Variants in BMPER observed in about 807,000 individuals in gnomAD.
BMPER encodes the protein BMP-binding endothelial regulator protein.
BMPER carries 45 observed loss-of-function variants against 87.3 expected under a neutral mutation model. The observed-to-expected ratio is 0.52, with a 90% CI of 0.41 to 0.66. BMPER has a LOEUF of 0.66. BMPER is among the 30% of genes least tolerant of loss of function. BMPER has a pLI of 0.00. For missense variants in BMPER, 784 were observed against 867.5 expected (o/e 0.90, Z 1.21); for synonymous variants, 326 against 316.2 (o/e 1.03, Z -0.33).
chr7:34,058,732 C>A (rs192984826), intron 10 of BMPER, among the ~76,000 whole-genome samples: 1 of 152,286 alleles, frequency 6.6e-6, no homozygotes, highest in Non-Finnish European at 1.5e-5. Flanking sequence ...AATAAAGCAA[C>A]CATTATCTTC....
rs776382522 is a variant in BMPER, at chr7:34,047,787, T to TTTCCTTCCTTCCTTCCTTCC, written c.676+1385_676+1404dup. Reference sequence around the variant, plus strand: ...GCTCCTGCTATTTCTCTTGATTTTCTTTCCTTCCTTCCTTCCTTCCTTTCT... The same window carrying TTTCCTTCCTTCCTTCCTTCC: ...GCTCCTGCTATTTCTCTTGATTTTCTTTCCTTCCTTCCTTCCTTCCTTCCTTCCTTCCTTCCTTCCTTTCT... On this transcript the variant is annotated intron_variant, in intron 7 of 14. Transcript: ENST00000649409. 4.1e-3 allele frequency among the ~76,000 whole-genome samples: 5 copies of TTTCCTTCCTTCCTTCCTTCC among 1,208 alleles called. 2 individuals carry two copies. Among genetic ancestry groups the TTTCCTTCCTTCCTTCCTTCC allele is most frequent in the Non-Finnish European group, 0.011 (5 of 476 alleles). The allele number at this position is 1,208 out of a possible 152,430, so 0.8% of individuals were successfully genotyped here.
At chr7:33,991,453 G>A (rs1053813020) in intron 6 of BMPER, among the ~76,000 whole-genome samples, 274 of 152,066 alleles carry the variant, frequency 1.8e-3, no homozygotes, top group African/African-American at 6.2e-3. Flanking sequence ...CTGTGGGATC[G>A]GTGGTGATAT....
Position 33,974,723 on chromosome 7 carries a change from A to G in BMPER, c.515A>G (p.Gln172Arg). 1.2e-6 allele frequency: 2 copies of G among 1,614,072 alleles called. No homozygotes were observed. The highest frequency in any genetic ancestry group is 1.7e-5 in the Admixed American group (1 of 60,020). The change falls in exon 6 of 15, where the codon CAG (glutamine) becomes CGG (arginine). Residue 172 changes from glutamine (Q) to arginine (R), a missense_variant. Gln to Arg is a conservative substitution (Grantham distance 43, BLOSUM62 1). Transcript: ENST00000649409. ...TCPGCVFEGV[Q>R]YQEGEEFQPE... ...CCAGGCTGTGTGTTTGAGGGTGTGC[A>G]GTATCAAGAAGGGGAGGAATTTCAG...
At chr7:33,926,888 A>G (rs1179977679) in intron 2 of BMPER, among the ~76,000 whole-genome samples, 1 of 152,218 alleles carries the variant, frequency 6.6e-6, no homozygotes, top group Admixed American at 6.5e-5. Flanking sequence ...GTTGGTACCA[A>G]CGTAAATATA....
chr7:33,925,197 G>A (rs1226284500), intron 2 of BMPER, among the ~76,000 whole-genome samples: 1 of 152,140 alleles, frequency 6.6e-6, no homozygotes, highest in Non-Finnish European at 1.5e-5. Flanking sequence ...TATTTGTTGG[G>A]CGAATTCATC....
At chr7:33,961,052 G>C (rs535417215) in intron 3 of BMPER, among the ~76,000 whole-genome samples, 69 of 152,266 alleles carry the variant, frequency 4.5e-4, no homozygotes, top group African/African-American at 1.6e-3. Context: ...TTTCCTTGTG[G>C]GGTAATGGAG....
intron 14 of BMPER, among the ~76,000 whole-genome samples, chr7:34,148,027 T>C (rs1791074718): frequency 6.6e-6 from 1 of 152,160 alleles, no homozygotes; most frequent in Non-Finnish European, 1.5e-5. Flanking sequence ...TGCCAAGGCT[T>C]GTGGGGTCAT....
intron 6 of BMPER, among the ~76,000 whole-genome samples, chr7:34,045,485 G>A (rs1160835660): frequency 6.6e-6 from 1 of 152,136 alleles, no homozygotes; most frequent in African/African-American, 2.4e-5. Context: ...GGATGTTGGA[G>A]GTATGGAGTG....
intron 9 of BMPER, among the ~76,000 whole-genome samples, chr7:34,056,464 G>A (rs1562714634): frequency 1.3e-5 from 2 of 152,128 alleles, no homozygotes; most frequent in Non-Finnish European, 2.9e-5. Flanking sequence ...GTCATGCCCA[G>A]TGAAGGGGGA....
At chr7:33,945,866 G>A (rs1784881759) in intron 3 of BMPER, among the ~76,000 whole-genome samples, 1 of 152,096 alleles carries the variant, frequency 6.6e-6, no homozygotes, top group Non-Finnish European at 1.5e-5. Context: ...CTGCCAAGAT[G>A]TTAGTGACCC....
At chr7:34,086,122 G>C (rs1251661232) in intron 13 of BMPER, 30 bp downstream of exon 13, 1 of 1,606,166 alleles carries the variant, frequency 6.2e-7, no homozygotes, top group Non-Finnish European at 8.5e-7. Flanking sequence ...GAATGGTTTT[G>C]GGTTGCAGAC....
intron 11 of BMPER, among the ~76,000 whole-genome samples, chr7:34,076,990 CCTT>C (rs1302242165): frequency 2.0e-5 from 3 of 152,164 alleles, no homozygotes; most frequent in Non-Finnish European, 4.4e-5. Context: ...CTGGAAAAGT[CCTT>C]CTCTTCAACT....
intron 6 of BMPER, among the ~76,000 whole-genome samples, chr7:34,012,065 AACTT>A (rs574544827): frequency 1.2e-4 from 19 of 152,056 alleles, no homozygotes; most frequent in African/African-American, 4.1e-4. Flanking sequence ...GGGGCATAGA[AACTT>A]AATAAGAAGG....
At chr7:34,028,370 A>G (rs2127949635) in intron 6 of BMPER, among the ~76,000 whole-genome samples, 1 of 152,132 alleles carries the variant, frequency 6.6e-6, no homozygotes, top group East Asian at 1.9e-4. Flanking sequence ...TTTAAAAGGA[A>G]CACTTAAAAA....
chr7:34,088,868 C>A (rs73316417), intron 13 of BMPER, among the ~76,000 whole-genome samples: 8,134 of 152,196 alleles, frequency 0.053, 716 homozygotes, highest in African/African-American at 0.19. Context: ...CCCCCTGATG[C>A]ATCTGTGGAA....
At chr7:34,061,950 G>GTTTTT (rs3083769) in intron 10 of BMPER, 52 bp from the exon 11 acceptor site, 22,599 of 1,161,500 alleles carry the variant, frequency 0.019, 43 homozygotes, top group Non-Finnish European at 0.022. Context: ...AGGAGACCCT[G>GTTTTT]TTTTTTTTTT....
rs770591085 is a variant in BMPER, at chr7:34,055,136, A to G, written c.787-27A>G. 2.5e-6 allele frequency: 4 copies of G among 1,614,048 alleles called. No homozygotes were observed. The South Asian group carries it at 4.4e-5, about 18-fold the overall frequency. On this transcript the variant is annotated intron_variant, in intron 8 of 14. Transcript: ENST00000649409. ...TTGGTAGAGGCGAAAATCATTTTTA[A>G]TTTCTATTTTGCCTTTGGGCCCCCA...
chr7:34,048,764 A>T (rs1206285892), intron 7 of BMPER, among the ~76,000 whole-genome samples: 1 of 152,226 alleles, frequency 6.6e-6, no homozygotes, highest in East Asian at 1.9e-4. Flanking sequence ...ATAAGTTTTA[A>T]GAAACTTGAA....
rs573775258 is a variant in BMPER, at chr7:33,927,876, A to G, written c.220-9413A>G. Among the ~76,000 whole-genome samples the G allele has an allele frequency of 2.0e-5, 3 of 152,308 alleles. No homozygotes were observed. The South Asian group carries it at 6.2e-4, about 32-fold the overall frequency. On this transcript the variant is annotated intron_variant, in intron 2 of 14. Coordinates refer to ENST00000649409, the MANE Select transcript of BMPER (RefSeq NM_001365308.1). ...TCACCAGAAAGGTATAAAAATATTC[A>G]TAGAGTTTCATCACCCCTTTCCTTT...
Sources: gnomAD v4.1 joint callset for allele counts (sites outside exome capture counted in the v4.1 genomes callset) on GRCh38, gnomAD v4.1.1 for gene constraint, MANE v1.5 for transcripts, NCBI Gene and HGNC (gene_info 2026-07-23, HGNC 2026-07-21) for gene names.